The following CACNA2D4 variants were observed in gnomAD, a reference collection of about 807,000 sequenced individuals.
The protein encoded by CACNA2D4 is calcium voltage-gated channel auxiliary subunit alpha2delta 4, also known as voltage-dependent calcium channel subunit alpha-2/delta-4.
In CACNA2D4, 157 loss-of-function variants were observed where a neutral mutation model predicts 163.8. The observed-to-expected ratio is 0.96, with a 90% CI of 0.84 to 1.09. CACNA2D4 has a LOEUF of 1.09. CACNA2D4 is among the 50% of genes least tolerant of loss of function. CACNA2D4 has a pLI of 0.00. For missense variants in CACNA2D4, 1,410 were observed against 1,479.9 expected, an observed-to-expected ratio of 0.95 and a Z score of 0.78; for synonymous variants, 598 against 586.9, an observed-to-expected ratio of 1.02 and a Z score of -0.27.
rs1343798066 is a variant in CACNA2D4 at position 1,799,636 on chromosome 12, C to T, written c.2995+39G>A. Reference sequence around the variant, plus strand: ...TTTGTAGCTCCTGCTGCGTCCCCAACCCACCGCCAGCAGGGATGGCCTCAG... The same window carrying T: ...TTTGTAGCTCCTGCTGCGTCCCCAATCCACCGCCAGCAGGGATGGCCTCAG... On this transcript the variant is annotated intron_variant, in intron 34 of 37. Transcript: ENST00000382722. The surrounding 1 kb of genome is among the most constrained non-coding windows in gnomAD (Gnocchi z 4.7). 6.4e-7 allele frequency: 1 copy of T among 1,558,092 alleles called. No homozygotes were observed. Among genetic ancestry groups the T allele is most frequent in the African/African-American group, 1.4e-5 (1 of 73,332 alleles).
At chr12:1,852,072 A>G (rs1465261272) in intron 23 of CACNA2D4, among the ~76,000 whole-genome samples, 2 of 152,154 alleles carry the variant, frequency 1.3e-5, no homozygotes, top group Non-Finnish European at 2.9e-5. Context: ...GAATGTTGAT[A>G]TTATAACCTG....
rs950531862 is a variant in CACNA2D4, at chr12:1,883,624, C to T, written c.1351+619G>A. On this transcript the variant is annotated intron_variant, in intron 12 of 37. Coordinates refer to ENST00000382722, the MANE Select transcript of CACNA2D4 (RefSeq NM_172364.5). The surrounding 1 kb of genome is among the most constrained non-coding windows in gnomAD (Gnocchi z 4.5). ...TCTCTGCTCCCAGCAGGTCTCAGAC[C>T]CTTTCAGCACACTGTTCCCTCTGTC... Among the ~76,000 whole-genome samples the T allele has an allele frequency of 2.0e-5, 3 of 152,198 alleles. No homozygotes were observed. The highest frequency in any genetic ancestry group is 7.2e-5 in the African/African-American group (3 of 41,442).
chr12:1,824,177 G>A (rs983462319), intron 26 of CACNA2D4, among the ~76,000 whole-genome samples: 13 of 152,228 alleles, frequency 8.5e-5, no homozygotes, highest in African/African-American at 3.1e-4. Context: ...GGACAGGCCA[G>A]CATGGTCTCC....
Position 1,862,360 on chromosome 12 carries a change from A to C in CACNA2D4, c.1879-2154T>G, listed in dbSNP as rs557285387. Among the ~76,000 whole-genome samples the C allele has an allele frequency of 1.3e-5, 2 of 152,338 alleles. 1 individual carries two copies. The highest frequency in any genetic ancestry group is 4.2e-4 in the South Asian group (2 of 4,818). On this transcript the variant is annotated intron_variant, in intron 18 of 37. Coordinates refer to ENST00000382722, the MANE Select transcript of CACNA2D4 (RefSeq NM_172364.5). ...TGTCTGAGAGTTCCAATTTCTCCAC[A>C]GCGCTGCCAGTATTTGGTGTTATTA...
At chr12:1,850,809 G>A (rs1865260453) in intron 23 of CACNA2D4, among the ~76,000 whole-genome samples, 1 of 151,378 alleles carries the variant, frequency 6.6e-6, no homozygotes, top group South Asian at 2.1e-4. Flanking sequence ...AGCTACTCAG[G>A]AGGCTGAGGC....
At chr12:1,884,925 C>T (rs746562347) in intron 10 of CACNA2D4, 44 bp from the exon 11 acceptor site, 6 of 1,594,574 alleles carry the variant, frequency 3.8e-6, no homozygotes, top group Non-Finnish European at 4.3e-6. Flanking sequence ...GCCAAGCCCA[C>T]CCCCCTCCAC....
At chr12:1,797,623 C>T in intron 34 of CACNA2D4, 88 bp from the exon 35 acceptor site, 1 of 981,210 alleles carries the variant, frequency 1.0e-6, no homozygotes, top group Non-Finnish European at 1.6e-6. Flanking sequence ...CAGAGTTCAC[C>T]CCAGTGCATT....
At chr12:1,823,229 T>C (rs544680859) in intron 26 of CACNA2D4, 1 of 152,358 alleles carries the variant, frequency 6.6e-6, no homozygotes, top group East Asian at 1.9e-4. Flanking sequence ...TGTGGAGGGA[T>C]AGACATGCGC....
chr12:1,796,519 C>T (rs944347395), intron 35 of CACNA2D4, among the ~76,000 whole-genome samples: 1 of 152,222 alleles, frequency 6.6e-6, no homozygotes, highest in Non-Finnish European at 1.5e-5. Context: ...ACTCTGAAGC[C>T]CTCGCTTCAC....
intron 26 of CACNA2D4, among the ~76,000 whole-genome samples, chr12:1,819,420 T>C (rs1006618545): frequency 6.6e-6 from 1 of 152,076 alleles, no homozygotes; most frequent in Non-Finnish European, 1.5e-5. Context: ...TCTAGGGGCA[T>C]CCTGAGTCCA....
chr12:1,821,694 C>T (rs536707568), intron 26 of CACNA2D4, among the ~76,000 whole-genome samples: 10 of 152,114 alleles, frequency 6.6e-5, no homozygotes, highest in Admixed American at 2.0e-4. Flanking sequence ...CTGAGTAGAG[C>T]GGGACAGTTG....
chr12:1,838,511 G>A (rs1174052421), intron 26 of CACNA2D4, among the ~76,000 whole-genome samples: 1 of 152,220 alleles, frequency 6.6e-6, no homozygotes, highest in Non-Finnish European at 1.5e-5. Context: ...AGTGGCAGAA[G>A]GAGACCAAAA....
At chr12:1,907,680 CGTGCCTGGTGGGT>C (rs1382176749) in intron 5 of CACNA2D4, 109 bp from the exon 6 acceptor site, 68 of 1,199,384 alleles carry the variant, frequency 5.7e-5, no homozygotes, top group African/African-American at 2.3e-4. Context: ...GTCTGGTAAG[CGTGCCTGGTGGGT>C]GTGCCTGGTG....
intron 22 of CACNA2D4, among the ~76,000 whole-genome samples, chr12:1,855,140 AGGCTTATTT>A (rs777396041): frequency 1.6e-4 from 25 of 152,254 alleles, no homozygotes; most frequent in South Asian, 8.3e-4. Context: ...CTATATATGT[AGGCTTATTT>A]GCTTATCACC....
intron 26 of CACNA2D4, chr12:1,831,343 T>C: frequency 6.2e-7 from 1 of 1,613,850 alleles, no homozygotes; most frequent in Non-Finnish European, 8.5e-7. Flanking sequence ...CCCCCTGGTC[T>C]TTTCGACGGG....
At chr12:1,807,173 T>A (rs530809708) in intron 29 of CACNA2D4, among the ~76,000 whole-genome samples, 29 of 152,010 alleles carry the variant, frequency 1.9e-4, no homozygotes, top group Non-Finnish European at 3.2e-4. Context: ...CTCGGTCTGA[T>A]GAAGGAACTT....
At chr12:1,912,464 C>T (rs1354298357) in intron 3 of CACNA2D4, among the ~76,000 whole-genome samples, 1 of 152,250 alleles carries the variant, frequency 6.6e-6, no homozygotes, top group African/African-American at 2.4e-5. Context: ...GCACAAGGCC[C>T]ATCCCTGTAA....
intron 29 of CACNA2D4, among the ~76,000 whole-genome samples, chr12:1,808,689 T>C (rs1863616979): frequency 6.6e-6 from 1 of 152,182 alleles, no homozygotes; most frequent in African/African-American, 2.4e-5. Flanking sequence ...CTCCGGCCCT[T>C]GAAAGCCAAC....
intron 23 of CACNA2D4, among the ~76,000 whole-genome samples, chr12:1,847,143 G>A (rs1158168981): frequency 6.6e-6 from 1 of 152,166 alleles, no homozygotes; most frequent in African/African-American, 2.4e-5. Context: ...AGCAGGCACT[G>A]CATACACCCA....
Sources: allele counts gnomAD v4.1 joint callset (sites outside exome capture counted in the v4.1 genomes callset), GRCh38; gene constraint gnomAD v4.1.1; non-coding constraint Gnocchi (gnomAD v3.1); transcripts MANE v1.5; gene names NCBI Gene and HGNC (gene_info 2026-07-23, HGNC 2026-07-21).